The following ZPLD1 variants were observed in gnomAD, a reference collection of about 807,000 sequenced individuals.
ZPLD1 encodes zona pellucida-like domain-containing protein 1.
In ZPLD1, 34 loss-of-function variants were observed where a neutral mutation model predicts 47.2. The ratio of observed to expected loss-of-function variants is 0.72; its 90% CI spans 0.55 to 0.96. ZPLD1 has a LOEUF of 0.96. Among genes scored for constraint, ZPLD1 ranks in the 40% least tolerant of loss-of-function variants. The pLI is 0.00. For synonymous variants in ZPLD1, 176 were observed against 186.2 expected, an observed-to-expected ratio of 0.95 and a Z score of 0.45; for missense variants, 512 against 505.8, an observed-to-expected ratio of 1.01 and a Z score of -0.12.
intron 10 of ZPLD1, among the ~76,000 whole-genome samples, chr3:102,473,563 T>C (rs1472594711): frequency 6.6e-6 from 1 of 152,178 alleles, no homozygotes; most frequent in Admixed American, 6.5e-5. Context: ...CCTTGAATCC[T>C]CTCTCATTCT....
At chr3:102,411,584 G>A (rs1559743547) in intron 7 of ZPLD1, among the ~76,000 whole-genome samples, 1 of 151,768 alleles carries the variant, frequency 6.6e-6, no homozygotes, top group Non-Finnish European at 1.5e-5. Context: ...TCTATCATCT[G>A]TATTTGAGAT....
chr3:102,434,578 A>G (rs1707057910), upstream of ZPLD1, among the ~76,000 whole-genome samples: 1 of 152,146 alleles, frequency 6.6e-6, no homozygotes, highest in Non-Finnish European at 1.5e-5. Context: ...TCTCCTCCCC[A>G]TTCCCATCAA....
intron 4 of ZPLD1, among the ~76,000 whole-genome samples, chr3:102,454,997 A>G (rs1482764262): frequency 6.6e-6 from 1 of 152,224 alleles, no homozygotes; most frequent in Non-Finnish European, 1.5e-5. Context: ...CTTAGGTGCT[A>G]CCAGCTTTGG....
At chr3:102,395,261 T>C (rs761418744) in intron 7 of ZPLD1, among the ~76,000 whole-genome samples, 5 of 152,176 alleles carry the variant, frequency 3.3e-5, no homozygotes, top group South Asian at 2.1e-4. Flanking sequence ...TATATATATA[T>C]ACACACACAT....
chr3:102,388,311 A>T (rs1005292811), intron 6 of ZPLD1, among the ~76,000 whole-genome samples: 2 of 152,054 alleles, frequency 1.3e-5, no homozygotes, highest in Non-Finnish European at 2.9e-5. Context: ...ATTTTCTCTC[A>T]TATTTGTAAT....
Position 102,456,219 on chromosome 3 carries a change from T to C in ZPLD1, c.354T>C (p.Ala118=), listed in dbSNP as rs773649200. The C allele has an allele frequency of 6.2e-7, 1 of 1,613,466 alleles. No individual in the cohort carries two copies. The highest frequency in any genetic ancestry group is 8.5e-7 in the Non-Finnish European group (1 of 1,179,782). Residue 118 remains alanine (A), a synonymous_variant, in exon 5 of 12, where the codon GCT becomes GCC. Coordinates refer to ENST00000466937, the MANE Select transcript of ZPLD1 (RefSeq NM_001329788.2). ...TATCCACAATTCCTGGAGTCAGTGC[T>C]TATGGAAATGCAACTTCAGTGCAAG... ...LVVSTIPGVS[A]YGNATSVQVG...
At chr3:102,432,004 C>T (rs1707021474), upstream of ZPLD1, among the ~76,000 whole-genome samples, 4 of 152,198 alleles carry the variant, frequency 2.6e-5, no homozygotes, top group Admixed American at 2.6e-4. Context: ...TGATTCTTAG[C>T]TGGGCAATAC....
Position 102,438,580 on chromosome 3 carries a change from C to T in ZPLD1, c.93C>T (p.His31=). The change falls in exon 3 of 12, where the codon CAC becomes CAT. Residue 31 remains histidine, a synonymous_variant. Transcript: ENST00000466937. ...FNGYNCDANL[H]SRFPAERDIS... ...GCTACAACTGTGATGCCAACCTCCA[C>T]AGTAGATTTCCTGGTAAGTGTAAGC... 1 of 1,612,588 alleles carries T rather than the reference C, an allele frequency of 6.2e-7. No individual in the cohort carries two copies. Among genetic ancestry groups the T allele is most frequent in the Non-Finnish European group, 8.5e-7 (1 of 1,178,628 alleles).
intron 7 of ZPLD1, among the ~76,000 whole-genome samples, chr3:102,395,535 C>A (rs1706547324): frequency 6.6e-6 from 1 of 152,118 alleles, no homozygotes. Flanking sequence ...TGAATTCTGT[C>A]CCAGAGCCTC....
intron 3 of ZPLD1, among the ~76,000 whole-genome samples, chr3:102,442,011 A>G (rs945064641): frequency 6.6e-6 from 1 of 152,180 alleles, no homozygotes; most frequent in African/African-American, 2.4e-5. Flanking sequence ...CTTGATGTTT[A>G]CATTTCAAAG....
chr3:102,434,674 T>C (rs980336301), upstream of ZPLD1, among the ~76,000 whole-genome samples: 5 of 152,146 alleles, frequency 3.3e-5, no homozygotes, highest in Admixed American at 2.6e-4. Context: ...TCTCAGACTG[T>C]GGTATTAATA....
At chr3:102,407,648 A>G (rs1373185450) in intron 7 of ZPLD1, among the ~76,000 whole-genome samples, 2 of 151,442 alleles carry the variant, frequency 1.3e-5, no homozygotes, top group Non-Finnish European at 3.0e-5. Context: ...TTTAGGCAGT[A>G]GTCATGAACA....
chr3:102,410,723 T>C (rs1706739701), intron 7 of ZPLD1, among the ~76,000 whole-genome samples: 1 of 151,590 alleles, frequency 6.6e-6, no homozygotes, highest in Non-Finnish European at 1.5e-5. Flanking sequence ...AACAGGAGAG[T>C]TGCTGTTTGG....
At position 102,421,786 on chromosome 3, in the gene ZPLD1, A is replaced by G. The variant is rs1430365815; in HGVS notation, c.-9+3579A>G. Among the ~76,000 whole-genome samples the G allele has an allele frequency of 2.0e-5, 3 of 151,922 alleles. No individual in the cohort carries two copies. In the East Asian group the frequency reaches 5.8e-4, roughly 29 times the overall value. The stretch of plus-strand genomic sequence containing the variant: ...AATTAATTAAAGCTAGTTACAGAAC[A>G]TAAAAATACTAGTGAGACTTAAAAA... On this transcript the variant is annotated intron_variant, in intron 8 of 17. Coordinates refer to the ZPLD1 transcript ENST00000491959.
chr3:102,410,762 A>G (rs1028817221), intron 7 of ZPLD1, among the ~76,000 whole-genome samples: 1 of 151,756 alleles, frequency 6.6e-6, no homozygotes, highest in African/African-American at 2.4e-5. Flanking sequence ...AAACCTGCTG[A>G]CTGAGAACTG....
chr3:102,407,085 G>A (rs9852572), intron 7 of ZPLD1, among the ~76,000 whole-genome samples: 66,563 of 151,262 alleles, frequency 0.44, 15,749 homozygotes, highest in African/African-American at 0.59. Context: ...TCAAATTTAA[G>A]TTTTTCTCAG....
At chr3:102,466,639 A>G (rs1707597723) in intron 8 of ZPLD1, among the ~76,000 whole-genome samples, 1 of 152,176 alleles carries the variant, frequency 6.6e-6, no homozygotes, top group African/African-American at 2.4e-5. Context: ...GGGATAAGTG[A>G]AAATAAACAG....
intron 8 of ZPLD1, among the ~76,000 whole-genome samples, chr3:102,427,147 C>T (rs1423289310): frequency 6.6e-6 from 1 of 152,084 alleles, no homozygotes; most frequent in Admixed American, 6.6e-5. Context: ...TATAAATTAC[C>T]AGCAGCCTAT....
intron 8 of ZPLD1, among the ~76,000 whole-genome samples, chr3:102,421,457 A>G (rs1372902476): frequency 1.3e-5 from 2 of 151,894 alleles, no homozygotes; most frequent in African/African-American, 2.4e-5. Context: ...ATTGTTATCC[A>G]TAGGTACACA....
Sources: allele counts gnomAD v4.1 joint callset (sites outside exome capture counted in the v4.1 genomes callset), GRCh38; gene constraint gnomAD v4.1.1; transcripts MANE v1.5; gene names NCBI Gene and HGNC (gene_info 2026-07-23, HGNC 2026-07-21).